The following COLEC12 variants were observed in gnomAD, a reference collection of about 807,000 sequenced individuals.
COLEC12 encodes the protein collectin subfamily member 12.
A neutral mutation model predicts 71.1 loss-of-function variants in COLEC12; 33 were observed. That is an observed-to-expected ratio of 0.46 (90% CI 0.35 to 0.62). The LOEUF is 0.62. COLEC12 is among the 20% of genes least tolerant of loss of function. The probability of loss-of-function intolerance (pLI) is 0.00; values close to 1 mark genes in which losing one functional copy is unlikely to be tolerated. For synonymous variants in COLEC12, 350 were observed against 353.0 expected, an observed-to-expected ratio of 0.99 and a Z score of 0.10; for missense variants, 765 against 916.1, an observed-to-expected ratio of 0.84 and a Z score of 2.13.
chr18:375,642 C>T (rs1026188147), intron 2 of COLEC12, among the ~76,000 whole-genome samples: 9 of 152,186 alleles, frequency 5.9e-5, no homozygotes, highest in Admixed American at 2.6e-4. Flanking sequence ...GGACCACAGG[C>T]GTGCACGACC....
In COLEC12 at chr18:346,615, A is replaced by G. The variant is rs149910138; in HGVS notation, c.1007T>C (p.Phe336Ser). The G allele has an allele frequency of 5.4e-4, 869 of 1,614,198 alleles. 4 individuals are homozygous for G. Among genetic ancestry groups the G allele is most frequent in the Non-Finnish European group, 1.5e-4 (176 of 1,180,040 alleles). The change falls in exon 5 of 10, where the codon TTC becomes TCC. Residue 336 changes from phenylalanine (F) to serine (S), a missense_variant. Coordinates refer to ENST00000400256, the MANE Select transcript of COLEC12 (RefSeq NM_130386.3). The surrounding 1 kb of genome is among the most constrained non-coding windows in gnomAD (Gnocchi z 4.0). ...CACAATATCCGTCTCAAAGAGCTGGAAGCGTTCCTCCAGTTGGTTGAACTT... is the reference window on the plus strand; with the variant it reads ...CACAATATCCGTCTCAAAGAGCTGGGAGCGTTCCTCCAGTTGGTTGAACTT... ...AIKFNQLEER[F>S]QLFETDIVNI...
intron 3 of COLEC12, among the ~76,000 whole-genome samples, chr18:348,705 C>A (rs1484492322): frequency 1.3e-5 from 2 of 152,238 alleles, no homozygotes; most frequent in South Asian, 4.1e-4. Context: ...AGTTCCACCA[C>A]AAGGCCCTGA....
At position 469,347 on chromosome 18, in the gene COLEC12, A is replaced by G. The variant is rs541729504; in HGVS notation, c.58+11360T>C. Among the ~76,000 whole-genome samples, 7 of 152,334 alleles carry G rather than the reference A, an allele frequency of 4.6e-5. 1 individual carries two copies. The highest frequency in any genetic ancestry group is 2.1e-4 in the South Asian group (1 of 4,828). On this transcript the variant is annotated intron_variant, in intron 2 of 9. Coordinates refer to ENST00000400256, the MANE Select transcript of COLEC12 (RefSeq NM_130386.3). Reference sequence around the variant, plus strand: ...GAGGAGGCAGTTTGTAGGTTGGCTGATATTTTTCTTTTATGCAAATACACC... The same window carrying G: ...GAGGAGGCAGTTTGTAGGTTGGCTGGTATTTTTCTTTTATGCAAATACACC...
intron 3 of COLEC12, among the ~76,000 whole-genome samples, chr18:350,630 A>T (rs1439159756): frequency 1.7e-5 from 2 of 115,580 alleles, no homozygotes; most frequent in Non-Finnish European, 4.2e-5. Flanking sequence ...TCAATAGCTT[A>T]AAAAAAAAGA....
intron 2 of COLEC12, among the ~76,000 whole-genome samples, chr18:368,110 T>C (rs1914894954): frequency 6.6e-6 from 1 of 152,226 alleles, no homozygotes; most frequent in African/African-American, 2.4e-5. Flanking sequence ...TGGGAACATG[T>C]AGGCTTATTT....
At chr18:335,636 G>A (rs577548670) in intron 5 of COLEC12, among the ~76,000 whole-genome samples, 1 of 152,280 alleles carries the variant, frequency 6.6e-6, no homozygotes, top group East Asian at 1.9e-4. Context: ...AAGGAGGGAG[G>A]CCTCGGAGGA....
chr18:493,478 A>T (rs1482943469), intron 1 of COLEC12, among the ~76,000 whole-genome samples: 1 of 152,234 alleles, frequency 6.6e-6, no homozygotes, highest in Non-Finnish European at 1.5e-5. Context: ...CTATAATTCA[A>T]ATCTCTCCTG....
At chr18:444,206 A>G (rs999619432) in intron 2 of COLEC12, among the ~76,000 whole-genome samples, 2 of 152,244 alleles carry the variant, frequency 1.3e-5, no homozygotes, top group Admixed American at 6.5e-5. Context: ...CGGAATGCAC[A>G]TATTTATTTA....
In COLEC12 at chr18:351,537, G is replaced by A. The variant is rs148182906; in HGVS notation, c.182-3374C>T. On this transcript the variant is annotated intron_variant, in intron 3 of 9. Coordinates refer to ENST00000400256, the MANE Select transcript of COLEC12 (RefSeq NM_130386.3). ...CTCAGTGTGTGGCACTTTGTAGGTA[G>A]TCAATGAATATATATTTATTATGTC... Among the ~76,000 whole-genome samples, 1,079 of 152,152 alleles carry A rather than the reference G, an allele frequency of 7.1e-3. 1 individual carries two copies. Among genetic ancestry groups the A allele is most frequent in the Middle Eastern group, 0.027 (8 of 294 alleles).
chr18:395,030 A>G (rs1192111714), intron 2 of COLEC12, among the ~76,000 whole-genome samples: 1 of 152,264 alleles, frequency 6.6e-6, no homozygotes, highest in Admixed American at 6.5e-5. Context: ...TAGAGGTTGC[A>G]AAGAGATGTT....
chr18:345,655 ATC>A (rs1385461071), intron 5 of COLEC12, among the ~76,000 whole-genome samples: 2 of 152,208 alleles, frequency 1.3e-5, no homozygotes, highest in Non-Finnish European at 2.9e-5. Context: ...AAAAGACTTG[ATC>A]TTGCTTTCAG....
At chr18:429,527 GC>G (rs1161180582) in intron 2 of COLEC12, among the ~76,000 whole-genome samples, 2 of 151,998 alleles carry the variant, frequency 1.3e-5, no homozygotes, top group Admixed American at 6.6e-5. Flanking sequence ...GATTACAGGT[GC>G]CTGCCACCAT....
chr18:358,761 GGC>G (rs1914681596), intron 2 of COLEC12, among the ~76,000 whole-genome samples: 1 of 152,152 alleles, frequency 6.6e-6, no homozygotes, highest in Non-Finnish European at 1.5e-5. Context: ...TACATGGTAT[GGC>G]CTGTTGCTCC....
chr18:373,333 G>C (rs965569022), intron 2 of COLEC12, among the ~76,000 whole-genome samples: 1 of 152,054 alleles, frequency 6.6e-6, no homozygotes. Flanking sequence ...CTTCTCCCAC[G>C]AGGCTTTCGA....
intron 5 of COLEC12, among the ~76,000 whole-genome samples, chr18:342,410 C>G (rs1394620547): frequency 1.3e-5 from 2 of 152,232 alleles, no homozygotes; most frequent in Non-Finnish European, 1.5e-5. Flanking sequence ...ATTCCTAATG[C>G]GGCAAATGTC....
At chr18:436,104 C>T (rs568987657) in intron 2 of COLEC12, among the ~76,000 whole-genome samples, 1 of 152,356 alleles carries the variant, frequency 6.6e-6, no homozygotes, top group Non-Finnish European at 1.5e-5. Flanking sequence ...TTGCTTCTTG[C>T]TTCTTGGTCA....
intron 2 of COLEC12, among the ~76,000 whole-genome samples, chr18:462,125 C>T: frequency 6.6e-6 from 1 of 152,180 alleles, no homozygotes; most frequent in East Asian, 1.9e-4. Context: ...TTGGGATACA[C>T]TCAGGCAGTT....
Position 480,287 on chromosome 18 carries a change from G to C in COLEC12, c.58+420C>G, listed in dbSNP as rs972758499. On this transcript the variant is annotated intron_variant, in intron 2 of 9. Coordinates refer to ENST00000400256, the MANE Select transcript of COLEC12 (RefSeq NM_130386.3). This position sits in a 1 kb window ranked among gnomAD's most constrained non-coding sequence, Gnocchi z 4.1. ...AGCCCCTGTGTCCAGGCAGATTCTT[G>C]GAAGAAGTCTCCCTCTCACTCATCC... is the stretch of plus-strand genomic sequence containing the variant. Among the ~76,000 whole-genome samples, 1 of 152,188 alleles carries C rather than the reference G, an allele frequency of 6.6e-6. No individual in the cohort carries two copies. The highest frequency in any genetic ancestry group is 1.5e-5 in the Non-Finnish European group (1 of 68,026).
At chr18:493,636 AT>A (rs1917657671) in intron 1 of COLEC12, among the ~76,000 whole-genome samples, 1 of 152,208 alleles carries the variant, frequency 6.6e-6, no homozygotes. Flanking sequence ...GCTATATTTT[AT>A]TCATTTTATT....
Sources: allele counts gnomAD v4.1 joint callset (sites outside exome capture counted in the v4.1 genomes callset), GRCh38; gene constraint gnomAD v4.1.1; non-coding constraint Gnocchi (gnomAD v3.1); transcripts MANE v1.5; gene names NCBI Gene and HGNC (gene_info 2026-07-23, HGNC 2026-07-21).